Variants in FOXP1 observed in about 807,000 individuals in gnomAD.
The protein encoded by FOXP1 is forkhead box P1.
A neutral mutation model predicts 98.2 loss-of-function variants in FOXP1; 15 were observed. The observed-to-expected ratio is 0.15, with a 90% CI of 0.10 to 0.24. FOXP1 has a LOEUF of 0.24. FOXP1 is among the 10% of genes least tolerant of loss of function. FOXP1 has a pLI of 1.00. For synonymous variants in FOXP1, 371 were observed against 314.5 expected (o/e 1.18, Z -1.90); for missense variants, 633 against 848.5 (o/e 0.75, Z 3.15).
At chr3:71,150,955 C>T (rs2060542449) in intron 6 of FOXP1, among the ~76,000 whole-genome samples, 1 of 152,104 alleles carries the variant, frequency 6.6e-6, no homozygotes, top group Admixed American at 6.5e-5. Flanking sequence ...ATTTGGAATA[C>T]TGGAAAGACA....
At chr3:71,461,330 C>CA (rs1186647588) in intron 3 of FOXP1, among the ~76,000 whole-genome samples, 1 of 152,140 alleles carries the variant, frequency 6.6e-6, no homozygotes, top group African/African-American at 2.4e-5. Context: ...AACATCACGT[C>CA]TAAAAACACA....
intron 6 of FOXP1, among the ~76,000 whole-genome samples, chr3:71,185,463 T>C (rs1314186389): frequency 6.6e-6 from 1 of 152,194 alleles, no homozygotes; most frequent in Non-Finnish European, 1.5e-5. Context: ...CCATTATCAA[T>C]AGAGGTAAAT....
intron 7 of FOXP1, among the ~76,000 whole-genome samples, chr3:71,055,470 T>C (rs2050495748): frequency 1.3e-5 from 2 of 152,230 alleles, no homozygotes; most frequent in African/African-American, 4.8e-5. Context: ...CTGAATATTT[T>C]CATATGCAAA....
At chr3:71,557,669 T>C (rs1020292041) in intron 2 of FOXP1, among the ~76,000 whole-genome samples, 1 of 152,242 alleles carries the variant, frequency 6.6e-6, no homozygotes, top group Non-Finnish European at 1.5e-5. Context: ...TCCGACTTTC[T>C]GCTCTTCAAG....
At chr3:71,288,880 T>C (rs1028434756) in intron 5 of FOXP1, among the ~76,000 whole-genome samples, 3 of 152,202 alleles carry the variant, frequency 2.0e-5, no homozygotes, top group African/African-American at 7.2e-5. Flanking sequence ...CCAGTAAATA[T>C]GATAGGAGTG....
At chr3:71,193,896 C>T (rs952852219) in intron 6 of FOXP1, among the ~76,000 whole-genome samples, 4 of 152,164 alleles carry the variant, frequency 2.6e-5, no homozygotes, top group African/African-American at 4.8e-5. Context: ...CCTCTTTACT[C>T]CCCTTCTTCT....
intron 7 of FOXP1, among the ~76,000 whole-genome samples, chr3:71,062,456 A>G (rs546827759): frequency 1.5e-4 from 23 of 152,316 alleles, no homozygotes; most frequent in African/African-American, 5.5e-4. Context: ...TTTCTATTAC[A>G]TGTCATGAGA....
chr3:71,267,802 G>A (rs533986572), intron 5 of FOXP1, among the ~76,000 whole-genome samples: 1 of 152,204 alleles, frequency 6.6e-6, no homozygotes, highest in South Asian at 2.1e-4. Flanking sequence ...CAGATCACCT[G>A]AGGTCAGGAG....
chr3:71,335,240 G>A (rs920952962), intron 4 of FOXP1: 2 of 151,976 alleles, frequency 1.3e-5, no homozygotes, highest in Non-Finnish European at 2.9e-5. Flanking sequence ...AGCTATAATC[G>A]TGCCACGGCG....
chr3:71,118,632 A>G (rs891008623), intron 6 of FOXP1, among the ~76,000 whole-genome samples: 1 of 152,232 alleles, frequency 6.6e-6, no homozygotes, highest in Non-Finnish European at 1.5e-5. Context: ...GTTTCTAGTC[A>G]CGGGTCAGCA....
At chr3:71,039,271 T>G (rs1400946577) in intron 11 of FOXP1, among the ~76,000 whole-genome samples, 1 of 152,160 alleles carries the variant, frequency 6.6e-6, no homozygotes, top group African/African-American at 2.4e-5. Flanking sequence ...AATTCTGGTG[T>G]GTAGTATGAT....
At chr3:71,406,244 C>A (rs769585536) in intron 3 of FOXP1, among the ~76,000 whole-genome samples, 2 of 151,920 alleles carry the variant, frequency 1.3e-5, no homozygotes, top group Non-Finnish European at 2.9e-5. Context: ...TGGGCCCCAA[C>A]GGGCTGAAAT....
At position 71,075,536 on chromosome 3, in the gene FOXP1, T is replaced by A. The variant is rs184939057; in HGVS notation, c.283-21763A>T. ...CCAAACAATGGAAGAAGACATTTGGTTGTTTTTTAACCAGGGTCACTAGAC... is the reference window on the plus strand; with the variant it reads ...CCAAACAATGGAAGAAGACATTTGGATGTTTTTTAACCAGGGTCACTAGAC... On this transcript the variant is annotated intron_variant, in intron 7 of 20. Coordinates refer to ENST00000649528, the MANE Select transcript of FOXP1 (RefSeq NM_001349338.3). Among the ~76,000 whole-genome samples the A allele has an allele frequency of 1.7e-3, 263 of 152,284 alleles. 1 individual carries two copies. Among genetic ancestry groups the A allele is most frequent in the African/African-American group, 6.2e-3 (257 of 41,550 alleles).
Position 71,345,397 on chromosome 3 carries a change from TACACACACACAC to T in FOXP1, c.-73+13741_-73+13752del, listed in dbSNP as rs71120315. 9.4e-3 allele frequency among the ~76,000 whole-genome samples: 1,327 copies of T among 141,836 alleles called. 11 individuals carry two copies. The highest frequency in any genetic ancestry group is 0.02 in the African/African-American group (719 of 35,972). 93.0% of individuals were successfully genotyped at this position (141,836 alleles called of 152,430 possible). On this transcript the variant is annotated intron_variant, in intron 4 of 20. Coordinates refer to ENST00000649528, the MANE Select transcript of FOXP1 (RefSeq NM_001349338.3). The stretch of plus-strand genomic sequence containing the variant: ...AGAGAGAATCTGTCTCAAATATATA[TACACACACACAC>T]ACACACACACACACACACACACACA...
At chr3:71,463,378 A>C (rs924786606) in intron 3 of FOXP1, among the ~76,000 whole-genome samples, 5 of 148,358 alleles carry the variant, frequency 3.4e-5, no homozygotes, top group South Asian at 2.2e-4. Context: ...AAAAAAAAAA[A>C]AACTCACCAA....
chr3:70,979,289 A>G (rs2038292777), intron 14 of FOXP1, among the ~76,000 whole-genome samples: 1 of 125,960 alleles, frequency 7.9e-6, no homozygotes, highest in Admixed American at 7.7e-5. Flanking sequence ...CAAAAAAAAA[A>G]AAAAAAAAAA....
intron 2 of FOXP1, among the ~76,000 whole-genome samples, chr3:71,515,451 A>AAC (rs1275685402): frequency 2.0e-5 from 3 of 151,032 alleles, no homozygotes; most frequent in African/African-American, 7.3e-5. Flanking sequence ...AAAAAAAAAA[A>AAC]AACTGCACAT....
At chr3:71,024,731 T>C (rs1055979527) in intron 11 of FOXP1, among the ~76,000 whole-genome samples, 1 of 152,218 alleles carries the variant, frequency 6.6e-6, no homozygotes, top group South Asian at 2.1e-4. Context: ...AGTGCCAGAT[T>C]TGTGATTTTA....
intron 17 of FOXP1, among the ~76,000 whole-genome samples, chr3:70,975,069 T>C (rs894272809): frequency 3.3e-5 from 5 of 152,240 alleles, no homozygotes; most frequent in African/African-American, 7.2e-5. Flanking sequence ...CAGAAAATTA[T>C]ACGTATTTAT....
Sources: gnomAD v4.1 joint callset for allele counts (sites outside exome capture counted in the v4.1 genomes callset) on GRCh38, gnomAD v4.1.1 for gene constraint, MANE v1.5 for transcripts, NCBI Gene and HGNC (gene_info 2026-07-23, HGNC 2026-07-21) for gene names.